PRKN: variants seen among roughly 807,000 people sequenced by gnomAD.
PRKN encodes the protein E3 ubiquitin-protein ligase parkin.
In PRKN, 56 loss-of-function variants were observed where a neutral mutation model predicts 59.5. The observed-to-expected ratio is 0.94, with a 90% confidence interval of 0.76 to 1.18. PRKN has a LOEUF of 1.18. Among genes scored for constraint, PRKN ranks in the 50% most tolerant of loss-of-function variants. The pLI, the probability that PRKN is intolerant of heterozygous loss-of-function variation, is 0.00. For synonymous variants in PRKN, 250 were observed against 222.1 expected (o/e 1.13, Z -1.12); for missense variants, 657 against 596.4 (o/e 1.10, Z -1.06).
intron 7 of PRKN, among the ~76,000 whole-genome samples, chr6:161,607,222 G>A (rs553894679): frequency 2.2e-4 from 33 of 152,266 alleles, no homozygotes; most frequent in Admixed American, 2.0e-3. Flanking sequence ...TCTACTACAG[G>A]TACTCAGGTG....
chr6:162,536,711 G>C (rs76233578), intron 1 of PRKN, among the ~76,000 whole-genome samples: 5 of 151,952 alleles, frequency 3.3e-5, no homozygotes, highest in African/African-American at 1.2e-4. Flanking sequence ...CTCAAGCTCA[G>C]CTTGGTCCAT....
intron 4 of PRKN, among the ~76,000 whole-genome samples, chr6:162,162,548 T>C (rs1442617758): frequency 6.6e-6 from 1 of 152,162 alleles, no homozygotes; most frequent in African/African-American, 2.4e-5. Context: ...CAAGAAACTT[T>C]GATTAACAAG....
At chr6:161,901,007 C>T (rs1777897300) in intron 6 of PRKN, among the ~76,000 whole-genome samples, 1 of 150,694 alleles carries the variant, frequency 6.6e-6, no homozygotes, top group African/African-American at 2.4e-5. Flanking sequence ...CCTCTAACTC[C>T]CAGGTTCAAG....
intron 7 of PRKN, among the ~76,000 whole-genome samples, chr6:161,648,728 G>A (rs1784045710): frequency 6.6e-6 from 1 of 152,122 alleles, no homozygotes; most frequent in Non-Finnish European, 1.5e-5. Context: ...TCAGGTGTCT[G>A]CAGTAGATCA....
intron 2 of PRKN, among the ~76,000 whole-genome samples, chr6:162,298,289 C>T (rs915416808): frequency 5.3e-5 from 8 of 152,102 alleles, no homozygotes; most frequent in Non-Finnish European, 7.4e-5. Flanking sequence ...TTACCATCCA[C>T]CAGATGTCCC....
At chr6:161,743,708 G>A (rs1024572581) in intron 7 of PRKN, among the ~76,000 whole-genome samples, 1 of 152,104 alleles carries the variant, frequency 6.6e-6, no homozygotes, top group Non-Finnish European at 1.5e-5. Context: ...CCCGAGGAAG[G>A]CCTCACTCTG....
At chr6:162,466,029 C>T (rs904399520) in intron 1 of PRKN, among the ~76,000 whole-genome samples, 1 of 152,068 alleles carries the variant, frequency 6.6e-6, no homozygotes, top group African/African-American at 2.4e-5. Context: ...ATCAGAACCA[C>T]CAATATTTTT....
chr6:162,017,107 G>A (rs1270398647), intron 5 of PRKN, among the ~76,000 whole-genome samples: 1 of 152,084 alleles, frequency 6.6e-6, no homozygotes, highest in African/African-American at 2.4e-5. Context: ...TTTACATTTT[G>A]TGAAGCTCAT....
At chr6:162,449,494 A>G (rs372831685) in intron 1 of PRKN, among the ~76,000 whole-genome samples, 1 of 152,176 alleles carries the variant, frequency 6.6e-6, no homozygotes, top group Non-Finnish European at 1.5e-5. Context: ...TTGGGTTGTT[A>G]TAAGGATCTG....
chr6:161,805,455 C>CAT (rs1259481073), intron 6 of PRKN, among the ~76,000 whole-genome samples: 11 of 19,420 alleles, frequency 5.7e-4, no homozygotes, highest in African/African-American at 9.6e-4. Flanking sequence ...CACACATGCA[C>CAT]ACACACACAC....
At chr6:162,168,279 G>A (rs901053590) in intron 4 of PRKN, among the ~76,000 whole-genome samples, 2 of 151,932 alleles carry the variant, frequency 1.3e-5, no homozygotes, top group Non-Finnish European at 2.9e-5. Context: ...ATAGGTACAG[G>A]CTTAAAGAAT....
chr6:162,702,329 TTC>T (rs1449074364), intron 1 of PRKN, among the ~76,000 whole-genome samples: 1 of 152,080 alleles, frequency 6.6e-6, no homozygotes, highest in Non-Finnish European at 1.5e-5. Flanking sequence ...TCCTCTTATT[TTC>T]AAAAAAATTC....
At chr6:161,587,459 GAA>G (rs1267615560) in intron 7 of PRKN, among the ~76,000 whole-genome samples, 1 of 152,052 alleles carries the variant, frequency 6.6e-6, no homozygotes, top group Non-Finnish European at 1.5e-5. Context: ...GATCTTTTCA[GAA>G]ACAAAAAATC....
rs1266575580 is a variant in PRKN, at chr6:162,501,533, A to T, written c.8-58060T>A. Among the ~76,000 whole-genome samples, 693 of 99,260 alleles carry T rather than the reference A, an allele frequency of 7.0e-3. 3 individuals carry two copies. Among genetic ancestry groups the T allele is most frequent in the African/African-American group, 0.017 (463 of 26,750 alleles). The allele number at this position is 99,260 out of a possible 152,430, so 65.1% of individuals were successfully genotyped here. A position where few individuals can be genotyped will look rare whatever the true frequency, so the allele number is the denominator to read the frequency against. The stretch of plus-strand genomic sequence containing the variant: ...TGGTTAATTTTTTTTTTTTTTTTTT[A>T]TTAGTAGAGACGAGGTTTCACCACA... On this transcript the variant is annotated intron_variant, in intron 1 of 11. Transcript: ENST00000366898.
intron 1 of PRKN, among the ~76,000 whole-genome samples, chr6:162,472,641 C>T (rs1275971775): frequency 2.4e-5 from 3 of 125,878 alleles, no homozygotes; most frequent in African/African-American, 8.6e-5. Context: ...GCGCCCGCCA[C>T]CACGCCCGGC....
At chr6:162,523,649 G>A (rs1354686519) in intron 1 of PRKN, among the ~76,000 whole-genome samples, 2 of 152,014 alleles carry the variant, frequency 1.3e-5, no homozygotes, top group East Asian at 3.9e-4. Flanking sequence ...GGGTGACAGA[G>A]TAAGACTGTC....
intron 2 of PRKN, among the ~76,000 whole-genome samples, chr6:162,351,299 A>T (rs1784614717): frequency 6.6e-6 from 1 of 152,210 alleles, no homozygotes; most frequent in Non-Finnish European, 1.5e-5. Flanking sequence ...AGCAAAGAAG[A>T]CATATAGATG....
chr6:162,384,663 CA>C (rs370455931), intron 2 of PRKN, among the ~76,000 whole-genome samples: 6,642 of 125,666 alleles, frequency 0.053, 206 homozygotes, highest in South Asian at 0.11. Context: ...AAAAAAAAAA[CA>C]AAAAAAAAAA....
rs1795347407 is a variant in PRKN, at chr6:161,891,623, C to G, written c.734+81679G>C. On this transcript the variant is annotated intron_variant, in intron 6 of 11. Coordinates refer to ENST00000366898, the MANE Select transcript of PRKN (RefSeq NM_004562.3). Reference sequence around the variant, plus strand: ...CTAACATCTCTACACCCTAAACATTCCTCCCAACCTTTGAAGGACTCCAAA... The same window carrying G: ...CTAACATCTCTACACCCTAAACATTGCTCCCAACCTTTGAAGGACTCCAAA... Among the ~76,000 whole-genome samples the G allele has an allele frequency of 1.3e-5, 2 of 152,166 alleles. 1 individual carries two copies. The highest frequency in any genetic ancestry group is 4.8e-5 in the African/African-American group (2 of 41,444).
Sources: allele counts gnomAD v4.1 joint callset (sites outside exome capture counted in the v4.1 genomes callset), GRCh38; gene constraint gnomAD v4.1.1; transcripts MANE v1.5; gene names NCBI Gene and HGNC (gene_info 2026-07-23, HGNC 2026-07-21).